RAB15: variants seen among roughly 807,000 people sequenced by gnomAD.
RAB15 encodes RAB15, member RAS oncogene family.
RAB15 carries 13 observed loss-of-function variants against 31.8 expected under a neutral mutation model. The observed-to-expected ratio is 0.41, with a 90% CI of 0.27 to 0.65. The LOEUF is 0.65. Ranked by LOEUF, RAB15 falls within the 30% of genes least tolerant of loss-of-function variation. The pLI is 0.32. For missense variants in RAB15, 220 were observed against 277.3 expected (o/e 0.79, Z 1.47); for synonymous variants, 100 against 105.6 (o/e 0.95, Z 0.33).
chr14:64,969,950 AAG>A (rs1285138272), intron 1 of RAB15, among the ~76,000 whole-genome samples: 1 of 152,160 alleles, frequency 6.6e-6, no homozygotes, highest in African/African-American at 2.4e-5. Flanking sequence ...GTATTTTAGA[AAG>A]AGGGGTGCCC....
rs748653976 is a variant in RAB15 at position 64,948,800 on chromosome 14, C to T, written c.415-67G>A. The stretch of plus-strand genomic sequence containing the variant: ...GGGGAGGGGCCCATACAACCAGGCA[C>T]AGGCTTCTGCCACTGCACTCACAAC... On this transcript the variant is annotated intron_variant, in intron 5 of 6. Coordinates refer to ENST00000533601, the MANE Select transcript of RAB15 (RefSeq NM_001308154.2). This position sits in a 1 kb window ranked among gnomAD's most constrained non-coding sequence, Gnocchi z 7.0. 5 of 1,395,358 alleles carry T rather than the reference C, an allele frequency of 3.6e-6. No individual in the cohort carries two copies. Among genetic ancestry groups the T allele is most frequent in the African/African-American group, 2.8e-5 (2 of 70,398 alleles). 86.4% of individuals were successfully genotyped at this position (1,395,358 alleles called of 1,614,324 possible). A position where few individuals can be genotyped will look rare whatever the true frequency, so the allele number is the denominator to read the frequency against.
chr14:64,971,664 T>G lies in RAB15; in HGVS notation c.124+289A>C. On this transcript the variant is annotated intron_variant, in intron 1 of 6. Coordinates refer to ENST00000533601, the MANE Select transcript of RAB15 (RefSeq NM_001308154.2). The surrounding 1 kb of genome is among the most constrained non-coding windows in gnomAD (Gnocchi z 4.1). ...CGATTCTTGCTACCCCAGCTCGGGGTACCCAGGCCTACACCAGCTCCCCTC... is the reference window on the plus strand; with the variant it reads ...CGATTCTTGCTACCCCAGCTCGGGGGACCCAGGCCTACACCAGCTCCCCTC... The G allele has an allele frequency of 2.3e-6, 1 of 432,986 alleles. No individual in the cohort carries two copies. Among genetic ancestry groups the G allele is most frequent in the Non-Finnish European group, 4.2e-6 (1 of 238,182 alleles). The allele number at this position is 432,986 out of a possible 1,614,324, so 26.8% of individuals were successfully genotyped here. A position where few individuals can be genotyped will look rare whatever the true frequency, so the allele number is the denominator to read the frequency against.
rs35179634 is a variant in RAB15 at position 64,950,352 on chromosome 14, C to T, written c.387G>A (p.Arg129=). 1 of 1,613,828 alleles carries T rather than the reference C, an allele frequency of 6.2e-7. No homozygotes were observed. Among genetic ancestry groups the T allele is most frequent in the African/African-American group, 1.3e-5 (1 of 74,854 alleles). ...IGNKADEEQK[R]QVGREQGQQL... Reference sequence around the variant, plus strand: ...GCTGCCCTTGCTCTCTTCCCACCTGCCGTTTCTGCTCCTCATCAGCCTTAT... The same window carrying T: ...GCTGCCCTTGCTCTCTTCCCACCTGTCGTTTCTGCTCCTCATCAGCCTTAT... The change falls in exon 5 of 7, where the codon CGG becomes CGA. Residue 129 remains arginine (R), a synonymous_variant. Transcript: ENST00000533601. This position sits in a 1 kb window ranked among gnomAD's most constrained non-coding sequence, Gnocchi z 5.6.
In RAB15 at chr14:64,962,890, T is replaced by C. The variant is rs1466481823; in HGVS notation, c.124+9063A>G. On this transcript the variant is annotated intron_variant, in intron 1 of 6. Transcript: ENST00000533601. This position sits in a 1 kb window ranked among gnomAD's most constrained non-coding sequence, Gnocchi z 4.2. ...TTCCTGGAACATAGTCAGCATTCAA[T>C]AGCACTTACACTTGTCTGGAGGCGT... Among the ~76,000 whole-genome samples, 1 of 152,182 alleles carries C rather than the reference T, an allele frequency of 6.6e-6. No homozygotes were observed. Among genetic ancestry groups the C allele is most frequent in the Non-Finnish European group, 1.5e-5 (1 of 68,034 alleles).
intron 1 of RAB15, among the ~76,000 whole-genome samples, chr14:64,969,238 G>A (rs928555921): frequency 1.3e-5 from 2 of 152,166 alleles, no homozygotes; most frequent in East Asian, 1.9e-4. Context: ...CTGGCATACA[G>A]GACACGCATT....
At chr14:64,949,234 G>A (rs1383613258) in intron 5 of RAB15, among the ~76,000 whole-genome samples, 1 of 152,250 alleles carries the variant, frequency 6.6e-6, no homozygotes, top group Non-Finnish European at 1.5e-5. Flanking sequence ...CCTTAGCACA[G>A]TGCCACACAT....
chr14:64,970,179 T>C lies in RAB15; in HGVS notation c.124+1774A>G, dbSNP rs1326060749. On this transcript the variant is annotated intron_variant, in intron 1 of 6. Coordinates refer to ENST00000533601, the MANE Select transcript of RAB15 (RefSeq NM_001308154.2). The surrounding 1 kb of genome is among the most constrained non-coding windows in gnomAD (Gnocchi z 4.1). ...CAGGCAGCCCACAGCTCTCTGGAGA[T>C]AGCTCAGTAGTTCCAAGCACCAGGC... Among the ~76,000 whole-genome samples the C allele has an allele frequency of 6.6e-6, 1 of 152,208 alleles. No homozygotes were observed. The highest frequency in any genetic ancestry group is 2.4e-5 in the African/African-American group (1 of 41,446).
intron 1 of RAB15, among the ~76,000 whole-genome samples, chr14:64,956,172 G>A (rs1886550880): frequency 6.6e-6 from 1 of 152,174 alleles, no homozygotes; most frequent in Non-Finnish European, 1.5e-5. Flanking sequence ...GGAGGCTGAG[G>A]TGAGTGGATC....
chr14:64,951,212 G>T lies in RAB15; in HGVS notation c.247-61C>A. 7.1e-7 allele frequency: 1 copy of T among 1,402,388 alleles called. No individual in the cohort carries two copies. The highest frequency in any genetic ancestry group is 1.0e-6 in the Non-Finnish European group (1 of 1,001,830). The allele number at this position is 1,402,388 out of a possible 1,614,324, so 86.9% of individuals were successfully genotyped here. The stretch of plus-strand genomic sequence containing the variant: ...CAGAGAGAGTGCAGTCATGGGGCCA[G>T]AAGGGGCCGTGGAAACTTAAAGGTT... On this transcript the variant is annotated intron_variant, in intron 3 of 6. Coordinates refer to ENST00000533601, the MANE Select transcript of RAB15 (RefSeq NM_001308154.2). The surrounding 1 kb of genome is among the most constrained non-coding windows in gnomAD (Gnocchi z 7.2).
In RAB15 at chr14:64,953,645, A is replaced by G. The variant is rs773983646; in HGVS notation, c.125-1074T>C. The G allele has an allele frequency of 2.2e-4, 59 of 274,270 alleles. No individual in the cohort carries two copies. Among genetic ancestry groups the G allele is most frequent in the Non-Finnish European group, 2.7e-4 (48 of 179,872 alleles). The allele number at this position is 274,270 out of a possible 1,614,324, so 17.0% of individuals were successfully genotyped here. A position where few individuals can be genotyped will look rare whatever the true frequency, so the allele number is the denominator to read the frequency against. ...TGCAGCAAGAGAAGTCAGCACCACC[A>G]GCAGCAGCCAGCTTGACTCTGAGTG... On this transcript the variant is annotated intron_variant, in intron 1 of 6. Transcript: ENST00000533601. This position sits in a 1 kb window ranked among gnomAD's most constrained non-coding sequence, Gnocchi z 4.6.
At chr14:64,959,963 C>T (rs1442858036) in intron 1 of RAB15, among the ~76,000 whole-genome samples, 1 of 151,980 alleles carries the variant, frequency 6.6e-6, no homozygotes, top group Non-Finnish European at 1.5e-5. Context: ...CGTGTCCTGC[C>T]ACCTGATGCC....
At position 64,958,547 on chromosome 14, in the gene RAB15, C is replaced by G. The variant is rs1886696773; in HGVS notation, c.125-5976G>C. 6.6e-6 allele frequency among the ~76,000 whole-genome samples: 1 copy of G among 152,298 alleles called. No homozygotes were observed. Among genetic ancestry groups the G allele is most frequent in the Non-Finnish European group, 1.5e-5 (1 of 68,022 alleles). The stretch of plus-strand genomic sequence containing the variant: ...AAAGGCATTTTGTTACAGCAGCCAG[C>G]CCTAACTAAGACACCCACCATAGCC... On this transcript the variant is annotated intron_variant, in intron 1 of 6. Coordinates refer to ENST00000533601, the MANE Select transcript of RAB15 (RefSeq NM_001308154.2). This position sits in a 1 kb window ranked among gnomAD's most constrained non-coding sequence, Gnocchi z 4.4.
chr14:64,960,456 A>G (rs1886796739), intron 1 of RAB15, among the ~76,000 whole-genome samples: 1 of 152,214 alleles, frequency 6.6e-6, no homozygotes. Flanking sequence ...CTGGCCATTA[A>G]GAGCACAATT....
intron 1 of RAB15, among the ~76,000 whole-genome samples, chr14:64,961,407 T>G (rs981452298): frequency 2.0e-5 from 3 of 152,214 alleles, no homozygotes; most frequent in African/African-American, 7.2e-5. Context: ...TTCTTTGGTA[T>G]ATGCAGAGAT....
rs966137607 is a variant in RAB15, at chr14:64,955,763, C to T, written c.125-3192G>A. 4.6e-5 allele frequency among the ~76,000 whole-genome samples: 7 copies of T among 152,246 alleles called. No individual in the cohort carries two copies. Among genetic ancestry groups the T allele is most frequent in the Admixed American group, 1.3e-4 (2 of 15,282 alleles). On this transcript the variant is annotated intron_variant, in intron 1 of 6. Coordinates refer to ENST00000533601, the MANE Select transcript of RAB15 (RefSeq NM_001308154.2). This position sits in a 1 kb window ranked among gnomAD's most constrained non-coding sequence, Gnocchi z 4.4. Reference sequence around the variant, plus strand: ...CCTCTGTCCACATCTGGCCTCTTTTCGGTCATCAGCCCCACCTGGGTGCAC... The same window carrying T: ...CCTCTGTCCACATCTGGCCTCTTTTTGGTCATCAGCCCCACCTGGGTGCAC...
In RAB15 at chr14:64,954,066, T is replaced by G. The variant is rs1318727884; in HGVS notation, c.125-1495A>C. The G allele has an allele frequency of 1.0e-6, 1 of 985,302 alleles. No individual in the cohort carries two copies. The highest frequency in any genetic ancestry group is 1.2e-6 in the Non-Finnish European group (1 of 829,934). 61.0% of individuals were successfully genotyped at this position (985,302 alleles called of 1,614,324 possible). A position where few individuals can be genotyped will look rare whatever the true frequency, so the allele number is the denominator to read the frequency against. On this transcript the variant is annotated intron_variant, in intron 1 of 6. Transcript: ENST00000533601. This position sits in a 1 kb window ranked among gnomAD's most constrained non-coding sequence, Gnocchi z 4.3. ...TCCTTCCCACCATCAAGACCAATCA[T>G]CATTTAATTACAAGGGAAAAAAGAT...
intron 1 of RAB15, among the ~76,000 whole-genome samples, chr14:64,967,860 G>A (rs888661009): frequency 1.3e-5 from 2 of 152,190 alleles, no homozygotes; most frequent in East Asian, 3.8e-4. Context: ...AGTTGGTGTT[G>A]GTACCACTGG....
At position 64,962,721 on chromosome 14, in the gene RAB15, G is replaced by C. The variant is rs1886924823; in HGVS notation, c.124+9232C>G. ...ATTTCAGTCAAACTCACAGTTCCTA[G>C]GAAGAGGGTCAACAGTACTCTCTCC... On this transcript the variant is annotated intron_variant, in intron 1 of 6. Coordinates refer to ENST00000533601, the MANE Select transcript of RAB15 (RefSeq NM_001308154.2). This position sits in a 1 kb window ranked among gnomAD's most constrained non-coding sequence, Gnocchi z 4.2. Among the ~76,000 whole-genome samples, 1 of 152,180 alleles carries C rather than the reference G, an allele frequency of 6.6e-6. No homozygotes were observed. Among genetic ancestry groups the C allele is most frequent in the Non-Finnish European group, 1.5e-5 (1 of 68,022 alleles).
rs1886425067 is a variant in RAB15 at position 64,954,335 on chromosome 14, G to A, written c.125-1764C>T. 1 of 985,254 alleles carries A rather than the reference G, an allele frequency of 1.0e-6. No individual in the cohort carries two copies. The highest frequency in any genetic ancestry group is 6.2e-5 in the Admixed American group (1 of 16,258). 61.0% of individuals were successfully genotyped at this position (985,254 alleles called of 1,614,324 possible). A position where few individuals can be genotyped will look rare whatever the true frequency, so the allele number is the denominator to read the frequency against. On this transcript the variant is annotated intron_variant, in intron 1 of 6. Coordinates refer to ENST00000533601, the MANE Select transcript of RAB15 (RefSeq NM_001308154.2). The surrounding 1 kb of genome is among the most constrained non-coding windows in gnomAD (Gnocchi z 4.3). Reference sequence around the variant, plus strand: ...CTGGATCAACGGTTATCAGGCACCTGTTTCTCCCCAGTACCTGGCATAGAA... The same window carrying A: ...CTGGATCAACGGTTATCAGGCACCTATTTCTCCCCAGTACCTGGCATAGAA...
Sources: gnomAD v4.1 joint callset for allele counts (sites outside exome capture counted in the v4.1 genomes callset) on GRCh38, gnomAD v4.1.1 for gene constraint, Gnocchi (gnomAD v3.1) non-coding constraint, MANE v1.5 for transcripts, NCBI Gene and HGNC (gene_info 2026-07-23, HGNC 2026-07-21) for gene names.